The following PDE4D variants were observed in gnomAD, a reference collection of about 807,000 sequenced individuals.
PDE4D encodes phosphodiesterase 4D, also known as 3',5'-cyclic-AMP phosphodiesterase 4D.
A neutral mutation model predicts 87.4 loss-of-function variants in PDE4D; 24 were observed. The ratio of observed to expected loss-of-function variants is 0.27; its 90% CI spans 0.20 to 0.39. The LOEUF is 0.39. Ranked by LOEUF, PDE4D falls within the 10% of genes least tolerant of loss-of-function variation. The probability of loss-of-function intolerance (pLI) is 1.00; values close to 1 mark genes in which losing one functional copy is unlikely to be tolerated. For synonymous variants in PDE4D, 384 were observed against 383.2 expected (o/e 1.00, Z -0.02); for missense variants, 714 against 1,041.0 (o/e 0.69, Z 4.32).
At chr5:59,082,011 G>A (rs1766859091) in intron 5 of PDE4D, among the ~76,000 whole-genome samples, 1 of 152,084 alleles carries the variant, frequency 6.6e-6, no homozygotes, top group Non-Finnish European at 1.5e-5. Context: ...ACTCTCTCCT[G>A]CTGCCCTGTA....
At chr5:59,218,212 C>A (rs1751697087) in intron 1 of PDE4D, among the ~76,000 whole-genome samples, 1 of 152,064 alleles carries the variant, frequency 6.6e-6, no homozygotes, top group African/African-American at 2.4e-5. Context: ...CCTTTAATAT[C>A]AAGATATTCT....
chr5:59,861,673 T>C (rs1581471087), intron 1 of PDE4D, among the ~76,000 whole-genome samples: 1 of 152,208 alleles, frequency 6.6e-6, no homozygotes, highest in Non-Finnish European at 1.5e-5. Context: ...CATCTCACAG[T>C]GTTGGACAAA....
chr5:59,593,403 T>G (rs1010054471), intron 1 of PDE4D, among the ~76,000 whole-genome samples: 1 of 152,194 alleles, frequency 6.6e-6, no homozygotes, highest in African/African-American at 2.4e-5. Context: ...AAAATAGATT[T>G]GCTTTCACTG....
intron 2 of PDE4D, among the ~76,000 whole-genome samples, chr5:60,071,684 G>T (rs1772735774): frequency 6.6e-6 from 1 of 151,760 alleles, no homozygotes; most frequent in African/African-American, 2.4e-5. Flanking sequence ...AGATTATTTT[G>T]TCACCCAGTT....
At chr5:59,628,491 T>C (rs765615067) in intron 1 of PDE4D, among the ~76,000 whole-genome samples, 1 of 152,232 alleles carries the variant, frequency 6.6e-6, no homozygotes, top group Non-Finnish European at 1.5e-5. Context: ...CTTTCACATA[T>C]GGCTAGTGAA....
chr5:59,568,364 G>A (rs918575559), intron 1 of PDE4D, among the ~76,000 whole-genome samples: 16 of 152,068 alleles, frequency 1.1e-4, no homozygotes, highest in Admixed American at 3.3e-4. Context: ...AAATGAGGGA[G>A]AATAAGCAAA....
chr5:60,172,546 G>A (rs796631562), intron 2 of PDE4D, among the ~76,000 whole-genome samples: 25 of 152,134 alleles, frequency 1.6e-4, no homozygotes, highest in African/African-American at 5.8e-4. Context: ...TTGTCTCTAG[G>A]AGGAACACAG....
intron 1 of PDE4D, among the ~76,000 whole-genome samples, chr5:59,396,163 A>G (rs1205822924): frequency 8.4e-6 from 1 of 119,128 alleles, no homozygotes; most frequent in Non-Finnish European, 1.8e-5. Flanking sequence ...ACTCTGCAGG[A>G]TATTATCCAG....
intron 1 of PDE4D, among the ~76,000 whole-genome samples, chr5:59,689,112 G>T (rs891976850): frequency 1.3e-5 from 2 of 152,050 alleles, no homozygotes; most frequent in African/African-American, 4.8e-5. Context: ...CAGGACCAGA[G>T]GGATTCACAG....
intron 1 of PDE4D, among the ~76,000 whole-genome samples, chr5:60,442,706 A>T (rs530734751): frequency 3.7e-4 from 57 of 152,162 alleles, no homozygotes; most frequent in Non-Finnish European, 7.1e-4. Flanking sequence ...GAGAACATTG[A>T]AATGGTTGGC....
chr5:59,542,863 G>A (rs1356495357), intron 1 of PDE4D, among the ~76,000 whole-genome samples: 2 of 152,190 alleles, frequency 1.3e-5, no homozygotes, highest in Admixed American at 6.6e-5. Flanking sequence ...CATCATTCAG[G>A]CCTCAGAGAT....
At chr5:59,194,137 C>T (rs921693797) in intron 2 of PDE4D, among the ~76,000 whole-genome samples, 1 of 152,108 alleles carries the variant, frequency 6.6e-6, no homozygotes, top group African/African-American at 2.4e-5. Context: ...CCAGCTACAC[C>T]GTGCCTGGGG....
intron 1 of PDE4D, among the ~76,000 whole-genome samples, chr5:59,452,457 G>A (rs1799309835): frequency 6.6e-6 from 1 of 152,166 alleles, no homozygotes; most frequent in South Asian, 2.1e-4. Context: ...GAAACAACAG[G>A]AAGCAACTAC....
intron 2 of PDE4D, among the ~76,000 whole-genome samples, chr5:60,067,939 T>A (rs1174529443): frequency 6.6e-6 from 1 of 152,192 alleles, no homozygotes; most frequent in Non-Finnish European, 1.5e-5. Context: ...GTCCACTATT[T>A]ATATACCATA....
At chr5:60,285,545 A>T (rs1436131727) in intron 1 of PDE4D, among the ~76,000 whole-genome samples, 1 of 152,186 alleles carries the variant, frequency 6.6e-6, no homozygotes, top group African/African-American at 2.4e-5. Context: ...AAAAAATTAC[A>T]GGGAAGAAAA....
intron 5 of PDE4D, among the ~76,000 whole-genome samples, chr5:59,042,705 A>C (rs973815277): frequency 6.6e-6 from 1 of 152,212 alleles, no homozygotes; most frequent in Non-Finnish European, 1.5e-5. Flanking sequence ...CTGCTACAAC[A>C]GCATCAGTTT....
intron 1 of PDE4D, among the ~76,000 whole-genome samples, chr5:59,355,458 G>A (rs887879628): frequency 1.8e-4 from 28 of 152,114 alleles, no homozygotes; most frequent in African/African-American, 6.3e-4. Flanking sequence ...TTGGAAATAT[G>A]CACAGTAATG....
intron 5 of PDE4D, among the ~76,000 whole-genome samples, chr5:59,043,767 C>CATTGTTCAATTCCCACCT (rs1488996847): frequency 6.6e-6 from 1 of 151,376 alleles, no homozygotes; most frequent in East Asian, 2.0e-4. Context: ...CATGTGTTCG[C>CATTGTTCAATTCCCACCT]ATTGTTCAAT....
chr5:59,627,416 G>A (rs1056909275), intron 1 of PDE4D, among the ~76,000 whole-genome samples: 4 of 152,124 alleles, frequency 2.6e-5, no homozygotes, highest in South Asian at 4.1e-4. Context: ...TCCAAAACTG[G>A]AGCATATTCT....
Sources: gnomAD v4.1 joint callset for allele counts (sites outside exome capture counted in the v4.1 genomes callset) on GRCh38, gnomAD v4.1.1 for gene constraint, MANE v1.5 for transcripts, NCBI Gene and HGNC (gene_info 2026-07-23, HGNC 2026-07-21) for gene names.